Variants in SIMC1 observed in about 807,000 individuals in gnomAD.
SIMC1 encodes the protein SUMO-interacting motif-containing protein 1.
Under a neutral mutation model 82.3 loss-of-function variants are expected in SIMC1, and 55 were observed. The ratio of observed to expected loss-of-function variants is 0.67; its 90% confidence interval spans 0.54 to 0.84. The LOEUF is 0.84. SIMC1 is among the 40% of genes least tolerant of loss of function. The probability of loss-of-function intolerance (pLI) is 0.00; values close to 1 mark genes in which losing one functional copy is unlikely to be tolerated. For missense variants in SIMC1, 915 were observed against 1,107.2 expected (o/e 0.83, Z 2.46); for synonymous variants, 353 against 426.3 (o/e 0.83, Z 2.12).
chr5:176,313,412 T>C (rs1038049147), intron 4 of SIMC1: 13 of 1,546,036 alleles, frequency 8.4e-6, no homozygotes, highest in African/African-American at 1.4e-5. Context: ...TAGAAAATTA[T>C]AATTATCTGC....
Position 176,345,307 on chromosome 5 carries a change from C to G in SIMC1, c.2538C>G (p.Ser846Arg). The G allele has an allele frequency of 6.2e-7, 1 of 1,614,000 alleles. No individual in the cohort carries two copies. The highest frequency in any genetic ancestry group is 8.5e-7 in the Non-Finnish European group (1 of 1,179,892). Residue 846 changes from serine to arginine, a missense_variant, in exon 10 of 10, where the codon AGC becomes AGG. Around this residue, in one of 2 missense-constraint regions of SIMC1, gnomAD observed 902 missense variants for 1,040.3 expected, o/e 0.87. Transcript: ENST00000429602. Reference protein sequence around the residue: ...DVEKQIEAFRSRLIQMLGEPL... With the variant: ...DVEKQIEAFRRRLIQMLGEPL... ...AGAAGCAGATTGAGGCCTTCCGCAG[C>G]CGCCTGATCCAGATGCTGGGGGAGC... is the stretch of plus-strand genomic sequence containing the variant.
chr5:176,262,379 A>T (rs1051696626), intron 1 of SIMC1, among the ~76,000 whole-genome samples: 12 of 152,124 alleles, frequency 7.9e-5, no homozygotes, highest in Non-Finnish European at 1.0e-4. Context: ...CACTAATATC[A>T]TACCTAATGG....
chr5:176,344,193 T>G (rs1173426650), intron 9 of SIMC1, among the ~76,000 whole-genome samples: 1 of 152,192 alleles, frequency 6.6e-6, no homozygotes, highest in African/African-American at 2.4e-5. Context: ...CGGTCAAATA[T>G]GAAGCACTGT....
chr5:176,338,795 TAAA>T (rs70991537), intron 9 of SIMC1, among the ~76,000 whole-genome samples: 1 of 147,082 alleles, frequency 6.8e-6, no homozygotes, highest in African/African-American at 2.5e-5. Flanking sequence ...GTAGAGACTT[TAAA>T]AAAAAAAAAA....
At chr5:176,340,345 G>T (rs1766084629) in intron 9 of SIMC1, among the ~76,000 whole-genome samples, 1 of 152,198 alleles carries the variant, frequency 6.6e-6, no homozygotes, top group African/African-American at 2.4e-5. Context: ...TGTGGCTCAA[G>T]TTTCAGCCTC....
chr5:176,240,873 A>G lies in SIMC1; in HGVS notation c.129+2236A>G, dbSNP rs113636769. Among the ~76,000 whole-genome samples, 7 of 92,664 alleles carry G rather than the reference A, an allele frequency of 7.6e-5. 2 individuals are homozygous for G. Among genetic ancestry groups the G allele is most frequent in the Non-Finnish European group, 2.4e-5 (1 of 41,562 alleles). The allele number at this position is 92,664 out of a possible 152,430, so 60.8% of individuals were successfully genotyped here. A position where few individuals can be genotyped will look rare whatever the true frequency, so the allele number is the denominator to read the frequency against. On this transcript the variant is annotated intron_variant, in intron 1 of 9. Coordinates refer to ENST00000429602, the MANE Select transcript of SIMC1 (RefSeq NM_001308195.2). ...TGGTTTTAAATTTTTAATGAGACAA[A>G]TGCAAGGAAAGGATCTCATATAAAT...
chr5:176,287,390 A>T (rs926912165), intron 1 of SIMC1, among the ~76,000 whole-genome samples: 2 of 152,208 alleles, frequency 1.3e-5, no homozygotes, highest in Admixed American at 6.5e-5. Context: ...CAGAAAACCA[A>T]ACACTGCATG....
At chr5:176,299,024 A>T (rs559374382) in intron 4 of SIMC1, among the ~76,000 whole-genome samples, 1 of 152,392 alleles carries the variant, frequency 6.6e-6, no homozygotes, top group African/African-American at 2.4e-5. Flanking sequence ...AAAGACAGAG[A>T]TTAGCTGAAT....
chr5:176,318,777 C>T (rs1193755375), intron 5 of SIMC1, among the ~76,000 whole-genome samples: 1 of 152,202 alleles, frequency 6.6e-6, no homozygotes, highest in African/African-American at 2.4e-5. Context: ...CAGAGGAAAT[C>T]TTTCATTGTC....
chr5:176,330,021 T>C (rs1765570412), intron 7 of SIMC1, among the ~76,000 whole-genome samples: 1 of 152,144 alleles, frequency 6.6e-6, no homozygotes, highest in Non-Finnish European at 1.5e-5. Flanking sequence ...CTCTGCCCAC[T>C]GAGAGAGCAT....
At chr5:176,313,244 A>G in intron 4 of SIMC1, 1 of 1,362,426 alleles carries the variant, frequency 7.3e-7, no homozygotes, top group Non-Finnish European at 9.5e-7. Flanking sequence ...TTAAAGAACC[A>G]GTTTCTCTTT....
intron 4 of SIMC1, among the ~76,000 whole-genome samples, chr5:176,302,615 T>C (rs1764089486): frequency 6.6e-6 from 1 of 152,104 alleles, no homozygotes; most frequent in East Asian, 1.9e-4. Flanking sequence ...GTAAAATATC[T>C]TTGTTCACAG....
At chr5:176,304,881 C>T (rs1421921094) in intron 4 of SIMC1, among the ~76,000 whole-genome samples, 1 of 148,484 alleles carries the variant, frequency 6.7e-6, no homozygotes, top group Admixed American at 6.7e-5. Context: ...GGCCGAGACC[C>T]CGTCTGGGAG....
intron 1 of SIMC1, among the ~76,000 whole-genome samples, chr5:176,276,860 G>A (rs1461316809): frequency 1.4e-5 from 2 of 147,752 alleles, no homozygotes; most frequent in Non-Finnish European, 3.0e-5. Flanking sequence ...TTGGACATTT[G>A]GGTTGGTTCC....
chr5:176,272,124 C>A (rs1762463717), intron 1 of SIMC1, among the ~76,000 whole-genome samples: 1 of 137,682 alleles, frequency 7.3e-6, no homozygotes, highest in Non-Finnish European at 1.5e-5. Context: ...AAGAGGATTC[C>A]TTGAGCCCAG....
Position 176,328,142 on chromosome 5 carries a change from T to TCTGCC in SIMC1, c.2171+3387_2171+3391dup, listed in dbSNP as rs574215010. ...GTCTCGAACTCCTGACCTCAGATGA[T>TCTGCC]CTGCCCACCTCAGCCTCCCAAGATG... On this transcript the variant is annotated intron_variant, in intron 7 of 9. Transcript: ENST00000429602. Among the ~76,000 whole-genome samples, 384 of 152,314 alleles carry TCTGCC rather than the reference T, an allele frequency of 2.5e-3. 3 individuals carry two copies. Among genetic ancestry groups the TCTGCC allele is most frequent in the African/African-American group, 8.8e-3 (364 of 41,580 alleles).
chr5:176,296,543 C>T (rs1359139995), intron 4 of SIMC1: 1 of 534,032 alleles, frequency 1.9e-6, no homozygotes, highest in Non-Finnish European at 3.4e-6. Flanking sequence ...GTGATGCATG[C>T]CTGTGGTCCC....
At chr5:176,320,859 T>G (rs1581310140) in intron 5 of SIMC1, among the ~76,000 whole-genome samples, 1 of 152,224 alleles carries the variant, frequency 6.6e-6, no homozygotes, top group Admixed American at 6.5e-5. Flanking sequence ...CTTTGCCTAA[T>G]TCATAGGCTT....
rs569545615 is a variant in SIMC1 at position 176,303,431 on chromosome 5, G to A, written c.1734+7111G>A. 4.6e-5 allele frequency among the ~76,000 whole-genome samples: 7 copies of A among 150,716 alleles called. No individual in the cohort carries two copies. In the South Asian group the frequency reaches 1.0e-3, roughly 22 times the overall value. ...CAACCTCCGCCTCCTGGGTTTAAGC[G>A]ATGCCTCAGCTTCCCAAGTAGCTGG... On this transcript the variant is annotated intron_variant, in intron 4 of 9. Transcript: ENST00000429602.
Sources: allele counts gnomAD v4.1 joint callset (sites outside exome capture counted in the v4.1 genomes callset), GRCh38; gene constraint gnomAD v4.1.1; regional missense constraint gnomAD v4.1.1; transcripts MANE v1.5; gene names NCBI Gene and HGNC (gene_info 2026-07-23, HGNC 2026-07-21).